CRIM1: variants seen among roughly 807,000 people sequenced by gnomAD.
The protein encoded by CRIM1 is cysteine rich transmembrane BMP regulator 1.
CRIM1 carries 32 observed loss-of-function variants against 116.4 expected under a neutral mutation model. That is an observed-to-expected ratio of 0.27 (90% confidence interval 0.21 to 0.37). The LOEUF (loss-of-function observed/expected upper bound fraction) is 0.37. Ranked by LOEUF, CRIM1 falls within the 10% of genes least tolerant of loss-of-function variation. The pLI is 1.00. For synonymous variants in CRIM1, 590 were observed against 509.2 expected (o/e 1.16, Z -2.13); for missense variants, 1,331 against 1,354.8 (o/e 0.98, Z 0.28).
intron 4 of CRIM1, among the ~76,000 whole-genome samples, chr2:36,461,104 G>A (rs1391296664): frequency 6.6e-6 from 1 of 152,168 alleles, no homozygotes; most frequent in African/African-American, 2.4e-5. Flanking sequence ...CATAAAATGA[G>A]GAGTAATGGA....
intron 5 of CRIM1, 24 bp from the exon 6 acceptor site, chr2:36,476,865 C>T: frequency 1.3e-6 from 2 of 1,582,664 alleles, no homozygotes; most frequent in Non-Finnish European, 1.7e-6. Flanking sequence ...ACAAATATGC[C>T]TTGTTTGTTT....
intron 2 of CRIM1, 54 bp downstream of exon 2, chr2:36,396,841 C>T: frequency 7.0e-7 from 1 of 1,419,754 alleles, no homozygotes; most frequent in East Asian, 2.3e-5. Flanking sequence ...ATTATGTAAC[C>T]CTGAGTAGTA....
rs1484609115 is a variant in CRIM1, at chr2:36,497,532, C to G, written c.1373-1687C>G. Among the ~76,000 whole-genome samples the G allele has an allele frequency of 3.3e-5, 5 of 152,166 alleles. No homozygotes were observed. In the East Asian group the frequency reaches 9.6e-4, roughly 29 times the overall value. ...ATGGAGGGGAGCAGCAATACGCTAA[C>G]TCAGGATGTCTTAAAACAACTAAAC... On this transcript the variant is annotated intron_variant, in intron 7 of 16. Transcript: ENST00000280527.
intron 2 of CRIM1, among the ~76,000 whole-genome samples, chr2:36,401,694 G>A (rs1672413774): frequency 6.6e-6 from 1 of 152,194 alleles, no homozygotes; most frequent in Admixed American, 6.5e-5. Flanking sequence ...ATAATTCCAA[G>A]TTGGGTACAT....
In CRIM1 at chr2:36,512,312, A is replaced by G; in HGVS notation, c.1698A>G (p.Lys566=). 6.2e-7 allele frequency: 1 copy of G among 1,614,016 alleles called. No individual in the cohort carries two copies. Among genetic ancestry groups the G allele is most frequent in the Non-Finnish European group, 8.5e-7 (1 of 1,179,830 alleles). ...GCTGTGACATCTGTCGCTGTAAGAA[A>G]TGTCCAGAGCTCTCATGCAGTAAGA... ...KHGCDICRCK[K]CPELSCSKIC... is the part of the protein sequence containing the mutation. The change falls in exon 10 of 17, where the codon AAA becomes AAG. Residue 566 remains lysine, a synonymous_variant. Coordinates refer to ENST00000280527, the MANE Select transcript of CRIM1 (RefSeq NM_016441.3).
intron 1 of CRIM1, among the ~76,000 whole-genome samples, chr2:36,385,844 C>T (rs1202070081): frequency 6.6e-6 from 1 of 152,172 alleles, no homozygotes; most frequent in Non-Finnish European, 1.5e-5. Context: ...ACTGATGAAT[C>T]CATGGAGAGT....
At chr2:36,392,783 A>G (rs1283026218) in intron 1 of CRIM1, among the ~76,000 whole-genome samples, 5 of 152,312 alleles carry the variant, frequency 3.3e-5, no homozygotes, top group Admixed American at 3.3e-4. Context: ...CCAAGAAGAA[A>G]AACAAAGTAT....
intron 2 of CRIM1, among the ~76,000 whole-genome samples, chr2:36,418,359 A>G (rs1379691203): frequency 6.6e-6 from 1 of 152,136 alleles, no homozygotes; most frequent in African/African-American, 2.4e-5. Context: ...GGAGAAGTGC[A>G]GTGGTGCAAT....
chr2:36,406,112 A>G (rs1672771740), intron 2 of CRIM1, among the ~76,000 whole-genome samples: 1 of 152,238 alleles, frequency 6.6e-6, no homozygotes, highest in Non-Finnish European at 1.5e-5. Context: ...TGACTGTATT[A>G]GAAATAATCA....
rs980741880 is a variant in CRIM1, at chr2:36,548,886, C to T, written c.*185C>T. 2.2e-5 allele frequency: 9 copies of T among 406,460 alleles called. No homozygotes were observed. In the Admixed American group the frequency reaches 3.5e-4, roughly 16 times the overall value. 25.2% of individuals were successfully genotyped at this position (406,460 alleles called of 1,614,324 possible). Reference sequence around the variant, plus strand: ...TGCAGAACAAGCATTCCCACTTTTCCTCAAGATAACTGACCAAGTGTTTTC... The same window carrying T: ...TGCAGAACAAGCATTCCCACTTTTCTTCAAGATAACTGACCAAGTGTTTTC... On this transcript the variant is annotated 3_prime_UTR_variant, in exon 17 of 17. Transcript: ENST00000280527.
At chr2:36,472,781 G>A (rs1469968671) in intron 5 of CRIM1, among the ~76,000 whole-genome samples, 1 of 152,120 alleles carries the variant, frequency 6.6e-6, no homozygotes, top group East Asian at 1.9e-4. Context: ...TCTACAGCCT[G>A]CAAATTTAAT....
At chr2:36,484,116 T>TA (rs1340734958) in intron 7 of CRIM1, among the ~76,000 whole-genome samples, 1 of 152,188 alleles carries the variant, frequency 6.6e-6, no homozygotes, top group African/African-American at 2.4e-5. Flanking sequence ...GACTGATGTG[T>TA]ATTCTGTGGT....
At chr2:36,494,559 T>C (rs990491526) in intron 7 of CRIM1, among the ~76,000 whole-genome samples, 17 of 152,178 alleles carry the variant, frequency 1.1e-4, no homozygotes, top group African/African-American at 4.1e-4. Flanking sequence ...CCAAGGGTTC[T>C]TTAAAAATAG....
chr2:36,490,992 AT>A (rs1263177327), intron 7 of CRIM1, among the ~76,000 whole-genome samples: 2 of 152,130 alleles, frequency 1.3e-5, no homozygotes, highest in African/African-American at 4.8e-5. Flanking sequence ...CCGGTTGTCA[AT>A]TTGCCAAGCA....
intron 4 of CRIM1, among the ~76,000 whole-genome samples, chr2:36,454,827 C>T (rs934022103): frequency 1.3e-5 from 2 of 152,000 alleles, no homozygotes; most frequent in Non-Finnish European, 2.9e-5. Context: ...TGTCTAGAGT[C>T]CCCCTCTACT....
intron 9 of CRIM1, among the ~76,000 whole-genome samples, chr2:36,510,972 C>T (rs1004917831): frequency 9.5e-5 from 14 of 148,068 alleles, no homozygotes; most frequent in African/African-American, 3.5e-4. Flanking sequence ...GCCACCCAGG[C>T]CGTAGTGCAG....
intron 2 of CRIM1, among the ~76,000 whole-genome samples, chr2:36,417,876 A>T (rs970018387): frequency 6.6e-6 from 1 of 152,246 alleles, no homozygotes; most frequent in Admixed American, 6.5e-5. Flanking sequence ...TATTCTGACT[A>T]GGAAAATCAG....
chr2:36,550,738 A>C lies in CRIM1; in HGVS notation c.*2037A>C, dbSNP rs920824080. On this transcript the variant is annotated 3_prime_UTR_variant, in exon 17 of 17. Transcript: ENST00000280527. Reference sequence around the variant, plus strand: ...TGTTAATGATACATTACAAAAATAGATTGACATCAGCCTGATTAGTATAAA... The same window carrying C: ...TGTTAATGATACATTACAAAAATAGCTTGACATCAGCCTGATTAGTATAAA... 4 of 152,534 alleles carry C rather than the reference A, an allele frequency of 2.6e-5. No individual in the cohort carries two copies. Among genetic ancestry groups the C allele is most frequent in the African/African-American group, 4.8e-5 (2 of 41,440 alleles). The allele number at this position is 152,534 out of a possible 1,614,324, so 9.4% of individuals were successfully genotyped here.
intron 5 of CRIM1, among the ~76,000 whole-genome samples, chr2:36,472,584 C>G (rs1678616584): frequency 6.6e-6 from 1 of 152,174 alleles, no homozygotes; most frequent in Admixed American, 6.5e-5. Context: ...AACAAGTCCA[C>G]TTGAAGCAGC....
Sources: gnomAD v4.1 joint callset for allele counts (sites outside exome capture counted in the v4.1 genomes callset) on GRCh38, gnomAD v4.1.1 for gene constraint, MANE v1.5 for transcripts, NCBI Gene and HGNC (gene_info 2026-07-23, HGNC 2026-07-21) for gene names.